The following SLC38A12 variants were observed in gnomAD, a reference collection of about 807,000 sequenced individuals.
SLC38A12 encodes the protein putative sodium-coupled neutral amino acid transporter 12.
the SLC38A12 span, among the ~76,000 whole-genome samples, chr17:74,786,929 CA>C: frequency 6.6e-6 from 1 of 152,152 alleles, no homozygotes; most frequent in Non-Finnish European, 1.5e-5. Context: ...GGCTCCCAGG[CA>C]GGGGGTACCA....
chr17:74,795,238 C>T, the SLC38A12 span: 22 of 802,350 alleles, frequency 2.7e-5, no homozygotes, highest in Admixed American at 2.5e-4. Flanking sequence ...TGCAGATGCC[C>T]AGGCCCTTTT....
chr17:74,838,778 A>G, the SLC38A12 span: 2 of 1,480,524 alleles, frequency 1.4e-6, no homozygotes, highest in Non-Finnish European at 1.8e-6. Context: ...CCCAACAGCA[A>G]GAGAGCCCCA....
At chr17:74,831,642 G>A in the SLC38A12 span, among the ~76,000 whole-genome samples, 3 of 152,352 alleles carry the variant, frequency 2.0e-5, no homozygotes, top group South Asian at 6.2e-4. Flanking sequence ...GTGGGTGGAT[G>A]TGGATGCGGA....
At chr17:74,792,176 C>G in the SLC38A12 span, among the ~76,000 whole-genome samples, 1 of 151,120 alleles carries the variant, frequency 6.6e-6, no homozygotes, top group Non-Finnish European at 1.5e-5. Flanking sequence ...AATGGCCAGG[C>G]ATGGTGGCTT....
the SLC38A12 span, among the ~76,000 whole-genome samples, chr17:74,831,982 G>A: frequency 6.6e-6 from 1 of 152,214 alleles, no homozygotes; most frequent in South Asian, 2.1e-4. Flanking sequence ...AGTTTTTGGA[G>A]CAGCTGTCTC....
chr17:74,785,000 GAGAA>G, the SLC38A12 span, among the ~76,000 whole-genome samples: 1 of 152,128 alleles, frequency 6.6e-6, no homozygotes, highest in Non-Finnish European at 1.5e-5. Flanking sequence ...GAGAGGGGTG[GAGAA>G]AGAGAAGCAT....
the SLC38A12 span, among the ~76,000 whole-genome samples, chr17:74,822,944 G>C: frequency 1.3e-5 from 2 of 152,196 alleles, no homozygotes; most frequent in Non-Finnish European, 2.9e-5. Context: ...CCCCACGAGG[G>C]TTTCTCGCCT....
the SLC38A12 span, among the ~76,000 whole-genome samples, chr17:74,813,987 G>A: frequency 6.6e-6 from 1 of 152,160 alleles, no homozygotes. Context: ...TGGGTTTTTA[G>A]TTTTGTCTTG....
the SLC38A12 span, among the ~76,000 whole-genome samples, chr17:74,780,768 G>T: frequency 6.6e-6 from 1 of 152,144 alleles, no homozygotes; most frequent in Non-Finnish European, 1.5e-5. Context: ...AGGATTCCCT[G>T]AGCCCCCACT....
At chr17:74,808,322 G>A in the SLC38A12 span, among the ~76,000 whole-genome samples, 1 of 152,234 alleles carries the variant, frequency 6.6e-6, no homozygotes, top group Non-Finnish European at 1.5e-5. Context: ...CTCTAAAGAG[G>A]GACTGGGCTT....
At chr17:74,837,993 G>A in the SLC38A12 span, 1 of 985,836 alleles carries the variant, frequency 1.0e-6, no homozygotes, top group Non-Finnish European at 1.2e-6. Flanking sequence ...GCCTTGCTCA[G>A]CCCCTCCCCT....
chr17:74,818,655 G>A, the SLC38A12 span, among the ~76,000 whole-genome samples: 2 of 152,192 alleles, frequency 1.3e-5, 1 homozygote, highest in Admixed American at 1.3e-4. Context: ...CCCCAAGTGG[G>A]CCCGCTCCCC....
chr17:74,784,627 G>A, the SLC38A12 span, among the ~76,000 whole-genome samples: 213 of 152,298 alleles, frequency 1.4e-3, 1 homozygote, highest in Middle Eastern at 6.8e-3. Flanking sequence ...ATTGGCAGGG[G>A]AGGAGGCTGG....
the SLC38A12 span, among the ~76,000 whole-genome samples, chr17:74,777,089 G>A: frequency 6.6e-6 from 1 of 152,230 alleles, no homozygotes; most frequent in Non-Finnish European, 1.5e-5. Context: ...AGAAGAAACC[G>A]TCCAGATTTC....
the SLC38A12 span, among the ~76,000 whole-genome samples, chr17:74,827,053 C>T: frequency 2.6e-5 from 4 of 152,066 alleles, no homozygotes; most frequent in Admixed American, 1.3e-4. This position sits in a 1 kb window ranked among gnomAD's most constrained non-coding sequence, Gnocchi z 4.7. Context: ...TTGACCTGGC[C>T]AGGAAGGCAG....
the SLC38A12 span, chr17:74,777,614 A>C: frequency 4.0e-6 from 6 of 1,482,576 alleles, no homozygotes; most frequent in Non-Finnish European, 5.4e-6. Context: ...CAAAATCGCC[A>C]TGCTGTTTAT....
At chr17:74,791,036 G>T in the SLC38A12 span, 4 of 1,613,778 alleles carry the variant, frequency 2.5e-6, no homozygotes, top group Non-Finnish European at 3.4e-6. Context: ...CTTCAATAAA[G>T]GTAGAAGTTC....
At chr17:74,813,458 C>T in the SLC38A12 span, among the ~76,000 whole-genome samples, 1 of 152,212 alleles carries the variant, frequency 6.6e-6, no homozygotes, top group Non-Finnish European at 1.5e-5. Flanking sequence ...CCTCATTCTC[C>T]TGTCTCCCCT....
At chr17:74,836,041 A>G in the SLC38A12 span, 5 of 1,606,802 alleles carry the variant, frequency 3.1e-6, no homozygotes, top group East Asian at 4.5e-5. This position sits in a 1 kb window ranked among gnomAD's most constrained non-coding sequence, Gnocchi z 4.2. Context: ...GTGTGCGTCT[A>G]CTCCTTCATG....
Sources: allele counts gnomAD v4.1 joint callset (sites outside exome capture counted in the v4.1 genomes callset), GRCh38; gene constraint gnomAD v4.1.1; non-coding constraint Gnocchi (gnomAD v3.1); transcripts MANE v1.5; gene names NCBI Gene and HGNC (gene_info 2026-07-23, HGNC 2026-07-21).